RAD51B: variants seen among roughly 807,000 people sequenced by gnomAD.
RAD51B encodes RAD51 paralog B.
A neutral mutation model predicts 42.2 loss-of-function variants in RAD51B; 38 were observed. The observed-to-expected ratio is 0.90, with a 90% CI of 0.70 to 1.18. The LOEUF is 1.18. RAD51B is among the 50% of genes most tolerant of loss of function. The probability of loss-of-function intolerance (pLI) is 0.00; values close to 1 mark genes in which losing one functional copy is unlikely to be tolerated. For synonymous variants in RAD51B, 154 were observed against 145.2 expected (o/e 1.06, Z -0.43); for missense variants, 373 against 400.7 (o/e 0.93, Z 0.59).
chr14:68,426,668 TTCTCAGC>T (rs1364483063), intron 9 of RAD51B, among the ~76,000 whole-genome samples: 6 of 152,110 alleles, frequency 3.9e-5, no homozygotes, highest in Non-Finnish European at 7.4e-5. Flanking sequence ...ATCTGAAGGA[TTCTCAGC>T]CTGGTTGCCT....
chr14:67,832,387 A>T (rs1218514355), intron 3 of RAD51B, among the ~76,000 whole-genome samples: 2 of 152,226 alleles, frequency 1.3e-5, no homozygotes, highest in Non-Finnish European at 2.9e-5. Context: ...GACCGTTATA[A>T]AGGTATTTGG....
intron 8 of RAD51B, among the ~76,000 whole-genome samples, chr14:68,292,887 C>T (rs560614484): frequency 4.6e-5 from 7 of 152,256 alleles, no homozygotes; most frequent in South Asian, 2.1e-4. Flanking sequence ...GCTTTGTGTA[C>T]GCTCCTTCCA....
intron 7 of RAD51B, among the ~76,000 whole-genome samples, chr14:68,130,671 T>A (rs890333091): frequency 1.8e-4 from 28 of 152,256 alleles, no homozygotes; most frequent in Non-Finnish European, 2.9e-5. Context: ...AGCCTTGAGA[T>A]CTCTGAGCAT....
intron 10 of RAD51B, among the ~76,000 whole-genome samples, chr14:68,557,335 T>C (rs772622744): frequency 1.3e-5 from 2 of 152,174 alleles, no homozygotes; most frequent in Non-Finnish European, 2.9e-5. Flanking sequence ...TAACCTACAA[T>C]GGGCAAAATC....
At chr14:68,354,257 G>A (rs1209628540) in intron 8 of RAD51B, among the ~76,000 whole-genome samples, 12 of 120,612 alleles carry the variant, frequency 9.9e-5, no homozygotes, top group Non-Finnish European at 1.7e-4. Context: ...TCGCTCTGTT[G>A]CCAGTCTGGA....
At chr14:67,877,472 G>A (rs923424468) in intron 5 of RAD51B, among the ~76,000 whole-genome samples, 2 of 152,036 alleles carry the variant, frequency 1.3e-5, no homozygotes, top group African/African-American at 2.4e-5. Context: ...AGTAATGCCT[G>A]TTTGACATTT....
At chr14:68,140,422 A>G (rs1174349439) in intron 7 of RAD51B, among the ~76,000 whole-genome samples, 2 of 152,222 alleles carry the variant, frequency 1.3e-5, no homozygotes, top group East Asian at 3.8e-4. Context: ...TGCTGATGTC[A>G]TGGAAAACCA....
chr14:68,496,925 A>G lies in RAD51B; in HGVS notation c.1036+28675A>G, dbSNP rs188427783. 2.4e-3 allele frequency among the ~76,000 whole-genome samples: 373 copies of G among 152,252 alleles called. 1 individual carries two copies. The highest frequency in any genetic ancestry group is 4.0e-3 in the Non-Finnish European group (272 of 68,006). ...GGGCATTTTTCTCTTTGAAATTCCA[A>G]ATCTTTTCTGTTCTAGAAGCACGAA... is the stretch of plus-strand genomic sequence containing the variant. On this transcript the variant is annotated intron_variant, in intron 10 of 10. Coordinates refer to the RAD51B transcript ENST00000487270.
chr14:68,440,724 C>A (rs1202047464), intron 9 of RAD51B, among the ~76,000 whole-genome samples: 1 of 149,800 alleles, frequency 6.7e-6, no homozygotes, highest in African/African-American at 2.5e-5. Context: ...CCAGCCTGGG[C>A]AACAAGAGCG....
intron 9 of RAD51B, among the ~76,000 whole-genome samples, chr14:68,441,925 A>C (rs2085306364): frequency 6.6e-6 from 1 of 152,200 alleles, no homozygotes; most frequent in Admixed American, 6.5e-5. Flanking sequence ...CTGCTCAGTT[A>C]TTTATTTGGC....
chr14:68,153,491 CTAGCATCTGT>C (rs1316636231), intron 7 of RAD51B, among the ~76,000 whole-genome samples: 1 of 152,156 alleles, frequency 6.6e-6, no homozygotes, highest in Non-Finnish European at 1.5e-5. Flanking sequence ...CTCAACCTCT[CTAGCATCTGT>C]TAGTTTTTGA....
intron 7 of RAD51B, among the ~76,000 whole-genome samples, chr14:68,220,929 G>A (rs983341284): frequency 1.3e-5 from 2 of 151,830 alleles, no homozygotes; most frequent in Non-Finnish European, 1.5e-5. Flanking sequence ...TCAGGAGATC[G>A]AGACCATCCT....
intron 7 of RAD51B, among the ~76,000 whole-genome samples, chr14:67,897,651 CT>C (rs869311369): frequency 0.065 from 9,213 of 141,326 alleles, 614 homozygotes; most frequent in African/African-American, 0.18. Context: ...CCCTTGTTCA[CT>C]TTTTTTTTTT....
At chr14:68,489,102 C>T (rs993337998) in intron 10 of RAD51B, among the ~76,000 whole-genome samples, 26 of 151,794 alleles carry the variant, frequency 1.7e-4, no homozygotes, top group Non-Finnish European at 2.5e-4. Context: ...TACAGGCGCA[C>T]GCCACCACGC....
chr14:68,093,788 A>G (rs933214488), intron 7 of RAD51B, among the ~76,000 whole-genome samples: 12 of 152,184 alleles, frequency 7.9e-5, no homozygotes, highest in African/African-American at 2.9e-4. Flanking sequence ...TTTACAAAAA[A>G]GTAGATTGTC....
At chr14:68,143,773 G>T (rs186347203) in intron 7 of RAD51B, among the ~76,000 whole-genome samples, 5 of 152,170 alleles carry the variant, frequency 3.3e-5, no homozygotes, top group Admixed American at 2.6e-4. Context: ...CAGAGGAAGC[G>T]CAGGGTGGTT....
chr14:68,216,178 G>A (rs1310625529), intron 7 of RAD51B, among the ~76,000 whole-genome samples: 1 of 152,228 alleles, frequency 6.6e-6, no homozygotes, highest in African/African-American at 2.4e-5. Context: ...CCCAAGCAGA[G>A]TTGGAAATCC....
chr14:68,503,076 T>C (rs1864423133), intron 10 of RAD51B, among the ~76,000 whole-genome samples: 2 of 152,182 alleles, frequency 1.3e-5, no homozygotes, highest in Non-Finnish European at 2.9e-5. Flanking sequence ...GGACTGACAC[T>C]TCATGGAGCC....
At chr14:67,912,810 A>G (rs2044029740) in intron 7 of RAD51B, among the ~76,000 whole-genome samples, 2 of 151,070 alleles carry the variant, frequency 1.3e-5, no homozygotes, top group East Asian at 3.9e-4. Context: ...GGTTCAAGTG[A>G]TTCTCCTGCC....
Sources: allele counts gnomAD v4.1 joint callset (sites outside exome capture counted in the v4.1 genomes callset), GRCh38; gene constraint gnomAD v4.1.1; transcripts MANE v1.5; gene names NCBI Gene and HGNC (gene_info 2026-07-23, HGNC 2026-07-21).